CTNNA2: variants seen among roughly 807,000 people sequenced by gnomAD.
CTNNA2 encodes catenin alpha 2.
CTNNA2 carries 42 observed loss-of-function variants against 101.0 expected under a neutral mutation model. The observed-to-expected ratio is 0.42, with a 90% CI of 0.32 to 0.54. The LOEUF is 0.54. Among genes scored for constraint, CTNNA2 ranks in the 20% least tolerant of loss-of-function variants. CTNNA2 has a pLI of 0.14. For missense variants in CTNNA2, 871 were observed against 1,223.1 expected (o/e 0.71, Z 4.29); for synonymous variants, 450 against 456.4 (o/e 0.99, Z 0.18).
At chr2:79,826,305 A>G (rs1168755131) in intron 3 of CTNNA2, among the ~76,000 whole-genome samples, 1 of 152,262 alleles carries the variant, frequency 6.6e-6, no homozygotes, top group African/African-American at 2.4e-5. Flanking sequence ...CATGCCCATA[A>G]CAAAATTCGA....
intron 7 of CTNNA2, among the ~76,000 whole-genome samples, chr2:80,243,544 C>T (rs773430868): frequency 6.6e-6 from 1 of 151,998 alleles, no homozygotes; most frequent in African/African-American, 2.4e-5. Flanking sequence ...TTTGTTTTAG[C>T]TTCTTTCTGT....
In CTNNA2 at chr2:79,450,878, G is replaced by C. The variant is rs941361164; in HGVS notation, c.-134-54176G>C. Among the ~76,000 whole-genome samples, 4 of 152,072 alleles carry C rather than the reference G, an allele frequency of 2.6e-5. No homozygotes were observed. The South Asian group carries it at 8.3e-4, about 31-fold the overall frequency. On this transcript the variant is annotated intron_variant, in intron 4 of 21. Coordinates refer to the CTNNA2 transcript ENST00000466387. ...ATTATTATCCATGTATTCCAGTTCA[G>C]GGCCTAGGTGGTTGGAGCCCATCTA...
At chr2:80,076,792 A>G (rs1361655145) in intron 7 of CTNNA2, among the ~76,000 whole-genome samples, 3 of 152,136 alleles carry the variant, frequency 2.0e-5, no homozygotes, top group Admixed American at 6.6e-5. Context: ...CAGAGTTGCT[A>G]AAAGATAAAT....
At chr2:79,670,914 T>C (rs1682793681) in intron 2 of CTNNA2, among the ~76,000 whole-genome samples, 1 of 152,226 alleles carries the variant, frequency 6.6e-6, no homozygotes, top group Admixed American at 6.5e-5. Flanking sequence ...ATCAAGACTG[T>C]AAAGAAGTTT....
chr2:79,257,923 C>T (rs1005042218), intron 2 of CTNNA2, among the ~76,000 whole-genome samples: 2 of 152,106 alleles, frequency 1.3e-5, no homozygotes, highest in African/African-American at 4.8e-5. Context: ...CCCCTTGCCC[C>T]CTCCTAGCTT....
rs531894599 is a variant in CTNNA2, at chr2:80,269,661, A to C, written c.1057-123550A>C. ...CTATGAATTTTTTTTCAATATCAGA[A>C]ACATGTTTACATATAAGAACTATAC... On this transcript the variant is annotated intron_variant, in intron 7 of 18. Transcript: ENST00000402739. Among the ~76,000 whole-genome samples the C allele has an allele frequency of 8.8e-4, 134 of 152,306 alleles. 1 individual carries two copies. The highest frequency in any genetic ancestry group is 6.8e-3 in the Middle Eastern group (2 of 294).
At chr2:79,738,050 G>C (rs1043881204) in intron 2 of CTNNA2, among the ~76,000 whole-genome samples, 2 of 152,188 alleles carry the variant, frequency 1.3e-5, no homozygotes, top group African/African-American at 4.8e-5. Context: ...AATGGTCTTG[G>C]CCACTGCACT....
chr2:79,585,442 A>G lies in CTNNA2; in HGVS notation c.-5-66110A>G, dbSNP rs142903078. Among the ~76,000 whole-genome samples, 470 of 151,994 alleles carry G rather than the reference A, an allele frequency of 3.1e-3. 5 individuals carry two copies. The highest frequency in any genetic ancestry group is 0.011 in the African/African-American group (439 of 41,510). On this transcript the variant is annotated intron_variant, in intron 1 of 18. Coordinates refer to ENST00000402739, the MANE Select transcript of CTNNA2 (RefSeq NM_001282597.3). ...TTTTTCCTATTTCTGAGTTTACTTTATAGTATTTCTGGAATAAAATTTAGC... is the reference window on the plus strand; with the variant it reads ...TTTTTCCTATTTCTGAGTTTACTTTGTAGTATTTCTGGAATAAAATTTAGC...
At chr2:79,261,600 C>A (rs1040101825) in intron 2 of CTNNA2, among the ~76,000 whole-genome samples, 2 of 152,242 alleles carry the variant, frequency 1.3e-5, no homozygotes, top group African/African-American at 4.8e-5. Flanking sequence ...ATTGTGTCCA[C>A]ACATGGCCTT....
chr2:79,595,174 G>T (rs542240776), intron 1 of CTNNA2, among the ~76,000 whole-genome samples: 1 of 152,126 alleles, frequency 6.6e-6, no homozygotes, highest in East Asian at 1.9e-4. Flanking sequence ...CTCTCACCCG[G>T]TTCTGCACTT....
chr2:80,356,250 A>G (rs1255142839), intron 7 of CTNNA2, among the ~76,000 whole-genome samples: 1 of 152,164 alleles, frequency 6.6e-6, no homozygotes, highest in Non-Finnish European at 1.5e-5. Flanking sequence ...TTAACCTCAC[A>G]TTGGCACAAA....
chr2:79,328,038 G>C (rs1289842867), intron 3 of CTNNA2, among the ~76,000 whole-genome samples: 35 of 152,136 alleles, frequency 2.3e-4, no homozygotes, highest in Admixed American at 2.3e-3. Context: ...CAGGATGAAA[G>C]AGAGAAGAGT....
chr2:79,765,368 C>T (rs560459050), intron 3 of CTNNA2, among the ~76,000 whole-genome samples: 45 of 152,236 alleles, frequency 3.0e-4, no homozygotes, highest in African/African-American at 1.0e-3. Context: ...TATCTGCATT[C>T]CCTGACTTCA....
intron 7 of CTNNA2, among the ~76,000 whole-genome samples, chr2:80,046,733 G>A (rs1402476481): frequency 6.6e-6 from 1 of 152,184 alleles, no homozygotes; most frequent in African/African-American, 2.4e-5. Flanking sequence ...TGTTTTGTCA[G>A]TTGAGCAATT....
At position 80,138,267 on chromosome 2, in the gene CTNNA2, C is replaced by A. The variant is rs17018676; in HGVS notation, c.1056+228470C>A. 4.2e-3 allele frequency among the ~76,000 whole-genome samples: 641 copies of A among 152,122 alleles called. 2 individuals carry two copies. Among genetic ancestry groups the A allele is most frequent in the East Asian group, 0.02 (105 of 5,156 alleles). ...TGATCACCTCTAATAAGAACATCAA[C>A]CTTCTTGGGGTGGAAAAAAAGGCAG... On this transcript the variant is annotated intron_variant, in intron 7 of 18. Coordinates refer to ENST00000402739, the MANE Select transcript of CTNNA2 (RefSeq NM_001282597.3).
chr2:79,282,324 G>A (rs1315524542), intron 2 of CTNNA2, among the ~76,000 whole-genome samples: 3 of 152,024 alleles, frequency 2.0e-5, no homozygotes, highest in East Asian at 3.9e-4. Context: ...AGTTACATAT[G>A]TATACATGTG....
intron 6 of CTNNA2, among the ~76,000 whole-genome samples, chr2:79,904,020 T>C (rs1685248431): frequency 6.6e-6 from 1 of 152,182 alleles, no homozygotes; most frequent in African/African-American, 2.4e-5. Context: ...TGATCTCTTG[T>C]AATATTTTTC....
chr2:79,431,110 C>T (rs1678655368), intron 4 of CTNNA2, among the ~76,000 whole-genome samples: 1 of 152,038 alleles, frequency 6.6e-6, no homozygotes, highest in African/African-American at 2.4e-5. Context: ...AGAGAGTGGA[C>T]TGAGCCTCTT....
chr2:79,240,039 G>T (rs1334825591), intron 2 of CTNNA2, among the ~76,000 whole-genome samples: 2 of 150,796 alleles, frequency 1.3e-5, no homozygotes, highest in African/African-American at 4.9e-5. Flanking sequence ...CTTCTGAGTA[G>T]CTGGGATTAC....
Sources: allele counts gnomAD v4.1 joint callset (sites outside exome capture counted in the v4.1 genomes callset), GRCh38; gene constraint gnomAD v4.1.1; transcripts MANE v1.5; gene names NCBI Gene and HGNC (gene_info 2026-07-23, HGNC 2026-07-21).